The following CCDC171 variants were observed in gnomAD, a reference collection of about 807,000 sequenced individuals.
The protein encoded by CCDC171 is coiled-coil domain-containing protein 171.
In CCDC171, 177 loss-of-function variants were observed where a neutral mutation model predicts 168.2. The ratio of observed to expected loss-of-function variants is 1.05; its 90% confidence interval spans 0.93 to 1.19. The LOEUF (loss-of-function observed/expected upper bound fraction) is 1.19, where lower values mean the gene tolerates loss of function less well. CCDC171 is among the 50% of genes most tolerant of loss of function. The pLI, the probability that CCDC171 is intolerant of heterozygous loss-of-function variation, is 0.00. For synonymous variants in CCDC171, 687 were observed against 540.8 expected (o/e 1.27, Z -3.75); for missense variants, 1,991 against 1,539.0 (o/e 1.29, Z -4.91).
chr9:15,764,360 G>A (rs1175120182), intron 18 of CCDC171, among the ~76,000 whole-genome samples: 4 of 152,184 alleles, frequency 2.6e-5, no homozygotes, highest in Admixed American at 6.5e-5. Context: ...TAGTAAGGGT[G>A]CAGTGTTCTA....
intron 18 of CCDC171, among the ~76,000 whole-genome samples, chr9:15,754,849 A>AT (rs1362653384): frequency 1.3e-5 from 2 of 152,156 alleles, no homozygotes; most frequent in African/African-American, 4.8e-5. Flanking sequence ...TAGTTCATAT[A>AT]TTGGTCATTA....
In CCDC171 at chr9:15,917,174, A is replaced by C. The variant is rs1218952132; in HGVS notation, c.3601-3096A>C. The stretch of plus-strand genomic sequence containing the variant: ...TACTGTATAGTTTGAATCACTTATT[A>C]ATACTGGAAGTTAACATTCTTTATT... On this transcript the variant is annotated intron_variant, in intron 24 of 25. Coordinates refer to ENST00000380701, the MANE Select transcript of CCDC171 (RefSeq NM_173550.4). Among the ~76,000 whole-genome samples the C allele has an allele frequency of 3.9e-5, 6 of 151,924 alleles. No homozygotes were observed. In the East Asian group the frequency reaches 1.2e-3, roughly 29 times the overall value.
At chr9:15,940,867 A>G (rs1183155870) in intron 25 of CCDC171, among the ~76,000 whole-genome samples, 1 of 151,912 alleles carries the variant, frequency 6.6e-6, no homozygotes, top group African/African-American at 2.4e-5. Context: ...ACTAGGTTCA[A>G]AAAACAAAAC....
At chr9:15,995,451 G>A (rs1832341926) in intron 3 of CCDC171, among the ~76,000 whole-genome samples, 1 of 152,210 alleles carries the variant, frequency 6.6e-6, no homozygotes, top group Non-Finnish European at 1.5e-5. Context: ...AAACAGCAAG[G>A]ACACAAGCTT....
intron 23 of CCDC171, among the ~76,000 whole-genome samples, chr9:15,871,904 C>T (rs1010297061): frequency 6.6e-6 from 1 of 151,934 alleles, no homozygotes; most frequent in African/African-American, 2.4e-5. Flanking sequence ...TGCTTTCACT[C>T]CCTTTACTCA....
chr9:15,734,262 G>T (rs1217658043), intron 16 of CCDC171, among the ~76,000 whole-genome samples: 2 of 152,214 alleles, frequency 1.3e-5, no homozygotes, highest in African/African-American at 4.8e-5. Context: ...GAGGCTGAGT[G>T]TGGTGGCTCA....
intron 21 of CCDC171, among the ~76,000 whole-genome samples, chr9:15,803,361 G>C (rs1025099341): frequency 4.0e-5 from 6 of 151,466 alleles, no homozygotes; most frequent in African/African-American, 1.2e-4. Flanking sequence ...GTATTGCCTA[G>C]TTTTTTTTCT....
chr9:15,648,511 C>T (rs1161438996), intron 7 of CCDC171, among the ~76,000 whole-genome samples: 4 of 152,160 alleles, frequency 2.6e-5, no homozygotes, highest in Admixed American at 6.5e-5. Context: ...ATCGTCTCAG[C>T]CCAAAATCTC....
intron 11 of CCDC171, among the ~76,000 whole-genome samples, chr9:15,716,800 A>T (rs576507616): frequency 6.6e-6 from 1 of 152,214 alleles, no homozygotes; most frequent in African/African-American, 2.4e-5. Flanking sequence ...TAATTCATTC[A>T]TGAGAGTAAA....
chr9:15,810,054 T>C lies in CCDC171; in HGVS notation c.3267+25360T>C, dbSNP rs894211066. Reference sequence around the variant, plus strand: ...ACTAGATGAGCTAGACACAGAGCACTGATTGGTGCATCCACTAACCCCGAG... The same window carrying C: ...ACTAGATGAGCTAGACACAGAGCACCGATTGGTGCATCCACTAACCCCGAG... On this transcript the variant is annotated intron_variant, in intron 21 of 25. Transcript: ENST00000380701. Among the ~76,000 whole-genome samples, 114 of 152,298 alleles carry C rather than the reference T, an allele frequency of 7.5e-4. 1 individual carries two copies. Among genetic ancestry groups the C allele is most frequent in the African/African-American group, 2.5e-3 (105 of 41,570 alleles).
At chr9:15,987,390 A>G (rs6474989) in intron 3 of CCDC171, among the ~76,000 whole-genome samples, 75,165 of 151,946 alleles carry the variant, frequency 0.49, 19,989 homozygotes, top group African/African-American at 0.7. Flanking sequence ...CCCATGTAAT[A>G]AACCTGCACA....
chr9:16,051,232 C>A (rs1335358778), intron 1 of CCDC171, among the ~76,000 whole-genome samples: 1 of 152,160 alleles, frequency 6.6e-6, no homozygotes, highest in Non-Finnish European at 1.5e-5. Flanking sequence ...AGCCCAAGCT[C>A]TGCTGGGTTC....
rs529812369 is a variant in CCDC171 at position 15,911,771 on chromosome 9, G to C, written c.3601-8499G>C. Among the ~76,000 whole-genome samples the C allele has an allele frequency of 3.9e-5, 6 of 152,282 alleles. 1 individual carries two copies. The highest frequency in any genetic ancestry group is 3.9e-4 in the Admixed American group (6 of 15,300). On this transcript the variant is annotated intron_variant, in intron 24 of 25. Transcript: ENST00000380701. Reference sequence around the variant, plus strand: ...AGTTTCAGTTTTCTGCATATGGCTAGCCAGTTTTCCCAACACCATTTATTA... The same window carrying C: ...AGTTTCAGTTTTCTGCATATGGCTACCCAGTTTTCCCAACACCATTTATTA...
At chr9:16,007,267 T>G (rs1330483326) in intron 3 of CCDC171, among the ~76,000 whole-genome samples, 2 of 152,208 alleles carry the variant, frequency 1.3e-5, no homozygotes, top group African/African-American at 4.8e-5. Flanking sequence ...TTGCCCACTT[T>G]TGGATGGGGT....
chr9:15,949,070 TA>T (rs1397138685), intron 25 of CCDC171, among the ~76,000 whole-genome samples: 1 of 152,122 alleles, frequency 6.6e-6, no homozygotes, highest in Non-Finnish European at 1.5e-5. Flanking sequence ...CACCATTTAT[TA>T]AATAGGGAAT....
chr9:15,786,070 G>T (rs766573988), intron 21 of CCDC171, among the ~76,000 whole-genome samples: 11 of 152,060 alleles, frequency 7.2e-5, no homozygotes, highest in Admixed American at 3.9e-4. Context: ...AAACGACCAG[G>T]ATGGTATTAG....
chr9:15,632,626 C>T (rs1353164195), intron 7 of CCDC171, among the ~76,000 whole-genome samples: 1 of 152,098 alleles, frequency 6.6e-6, no homozygotes, highest in Non-Finnish European at 1.5e-5. Flanking sequence ...AATGCCATCC[C>T]CATCAAGCTA....
intron 21 of CCDC171, among the ~76,000 whole-genome samples, chr9:15,814,582 C>A (rs536571936): frequency 1.3e-5 from 2 of 151,780 alleles, no homozygotes; most frequent in East Asian, 3.9e-4. Context: ...GATTGAAATA[C>A]AATTGTAGCT....
intron 4 of CCDC171, among the ~76,000 whole-genome samples, chr9:15,586,993 TG>T (rs940631518): frequency 6.6e-6 from 1 of 152,070 alleles, no homozygotes; most frequent in African/African-American, 2.4e-5. Flanking sequence ...AATTTTTTTT[TG>T]TAGAGACTAG....
Sources: allele counts gnomAD v4.1 joint callset (sites outside exome capture counted in the v4.1 genomes callset), GRCh38; gene constraint gnomAD v4.1.1; transcripts MANE v1.5; gene names NCBI Gene and HGNC (gene_info 2026-07-23, HGNC 2026-07-21).